RAB38: variants seen among roughly 807,000 people sequenced by gnomAD.
RAB38 encodes ras-related protein Rab-38.
A neutral mutation model predicts 18.4 loss-of-function variants in RAB38; 15 were observed. The ratio of observed to expected loss-of-function variants is 0.82; its 90% CI spans 0.55 to 1.26. The LOEUF (loss-of-function observed/expected upper bound fraction) is 1.26, where lower values mean the gene tolerates loss of function less well. RAB38 is among the 50% of genes most tolerant of loss of function. RAB38 has a pLI of 0.00. For synonymous variants in RAB38, 101 were observed against 104.4 expected, an observed-to-expected ratio of 0.97 and a Z score of 0.20; for missense variants, 294 against 267.4, an observed-to-expected ratio of 1.10 and a Z score of -0.69.
At chr11:88,024,941 T>C in the RAB38 span, among the ~76,000 whole-genome samples, 1 of 152,028 alleles carries the variant, frequency 6.6e-6, no homozygotes, top group Non-Finnish European at 1.5e-5. Context: ...GAATAGATCC[T>C]AGTATTTGAC....
the RAB38 span, among the ~76,000 whole-genome samples, chr11:88,068,328 A>T: frequency 1.3e-5 from 2 of 152,126 alleles, no homozygotes; most frequent in Admixed American, 6.6e-5. Context: ...AACCACTTTC[A>T]AAATTCCTTT....
chr11:88,070,735 T>C, the RAB38 span, among the ~76,000 whole-genome samples: 2 of 152,134 alleles, frequency 1.3e-5, no homozygotes, highest in African/African-American at 4.8e-5. Flanking sequence ...TGAAAGACAA[T>C]GTTGTTCCCA....
rs746205579 is a variant in RAB38 at position 88,175,434 on chromosome 11, G to A, written c.-50C>T. Reference sequence around the variant, plus strand: ...TGCCTGACCAGGGAAGCGCAGCCTGGGCTCTGCGCACGAGAGAGACTTGGG... The same window carrying A: ...TGCCTGACCAGGGAAGCGCAGCCTGAGCTCTGCGCACGAGAGAGACTTGGG... On this transcript the variant is annotated 5_prime_UTR_variant, in exon 1 of 3. Transcript: ENST00000243662. 1.9e-6 allele frequency: 3 copies of A among 1,598,350 alleles called. No homozygotes were observed. The highest frequency in any genetic ancestry group is 1.7e-5 in the Admixed American group (1 of 59,904).
the RAB38 span, among the ~76,000 whole-genome samples, chr11:87,832,128 A>C: frequency 6.6e-6 from 1 of 152,188 alleles, no homozygotes; most frequent in Admixed American, 6.5e-5. Flanking sequence ...TTTGCAGTAA[A>C]ATACTTGTTG....
the RAB38 span, among the ~76,000 whole-genome samples, chr11:88,047,194 A>C: frequency 6.6e-6 from 1 of 151,502 alleles, no homozygotes; most frequent in Non-Finnish European, 1.5e-5. Context: ...AGCTGTACTC[A>C]CTCTTTGTTG....
chr11:87,836,202 G>C, the RAB38 span, among the ~76,000 whole-genome samples: 1 of 152,130 alleles, frequency 6.6e-6, no homozygotes, highest in Non-Finnish European at 1.5e-5. Context: ...CTTTATGAAA[G>C]ACTTGAGCCC....
At chr11:88,168,697 CA>C in intron 1 of RAB38, among the ~76,000 whole-genome samples, 1 of 151,732 alleles carries the variant, frequency 6.6e-6, no homozygotes, top group East Asian at 1.9e-4. Flanking sequence ...TAAAATAAAA[CA>C]AAAAAAATTA....
the RAB38 span, among the ~76,000 whole-genome samples, chr11:87,953,459 A>G: frequency 6.6e-6 from 1 of 152,186 alleles, no homozygotes; most frequent in Non-Finnish European, 1.5e-5. Context: ...AGCTACTTAT[A>G]TTTAACTGTG....
the RAB38 span, among the ~76,000 whole-genome samples, chr11:87,834,647 A>G: frequency 1.3e-5 from 2 of 152,314 alleles, no homozygotes; most frequent in Non-Finnish European, 2.9e-5. Context: ...TTAGAGCTCA[A>G]AAGTTCTTTG....
the RAB38 span, among the ~76,000 whole-genome samples, chr11:87,976,618 G>T: frequency 9.1e-6 from 1 of 110,046 alleles, no homozygotes; most frequent in South Asian, 2.6e-4. Context: ...TATTTTACAT[G>T]ATATATAAAT....
At chr11:87,853,254 A>C in the RAB38 span, among the ~76,000 whole-genome samples, 1 of 152,146 alleles carries the variant, frequency 6.6e-6, no homozygotes, top group Non-Finnish European at 1.5e-5. Context: ...TTCAGCCCTA[A>C]CTCCTAATAT....
the RAB38 span, among the ~76,000 whole-genome samples, chr11:87,939,756 G>A: frequency 1.7e-4 from 26 of 152,032 alleles, no homozygotes; most frequent in African/African-American, 6.0e-4. Flanking sequence ...GTTAGGCATG[G>A]TGGCTCACGC....
the RAB38 span, among the ~76,000 whole-genome samples, chr11:87,852,294 G>A: frequency 2.6e-5 from 4 of 152,046 alleles, no homozygotes; most frequent in Admixed American, 6.6e-5. Context: ...TTTCTGCTTC[G>A]GCTGCTTCTC....
the RAB38 span, among the ~76,000 whole-genome samples, chr11:88,028,561 C>T: frequency 2.6e-5 from 4 of 152,210 alleles, no homozygotes; most frequent in African/African-American, 7.2e-5. Context: ...AAAGCCAAGG[C>T]TCGAAAACTA....
At chr11:87,884,533 A>G in the RAB38 span, among the ~76,000 whole-genome samples, 2 of 151,958 alleles carry the variant, frequency 1.3e-5, no homozygotes, top group Non-Finnish European at 2.9e-5. Context: ...TAGCAATGGG[A>G]TGGGACTGGT....
the RAB38 span, among the ~76,000 whole-genome samples, chr11:87,853,302 G>C: frequency 6.6e-6 from 1 of 152,126 alleles, no homozygotes; most frequent in East Asian, 1.9e-4. Flanking sequence ...GAGGCAATTA[G>C]GTTTAGATGA....
At chr11:87,976,278 A>G in the RAB38 span, among the ~76,000 whole-genome samples, 707 of 143,886 alleles carry the variant, frequency 4.9e-3, 1 homozygote, top group Non-Finnish European at 7.7e-3. Context: ...AGGTGTGTGT[A>G]TATATATATA....
intron 1 of RAB38, among the ~76,000 whole-genome samples, chr11:88,160,367 T>C (rs1438747029): frequency 6.6e-6 from 1 of 152,128 alleles, no homozygotes. Context: ...GGAATGCATA[T>C]ACACTTTTAG....
At chr11:88,015,347 T>C in the RAB38 span, among the ~76,000 whole-genome samples, 1 of 152,188 alleles carries the variant, frequency 6.6e-6, no homozygotes, top group Non-Finnish European at 1.5e-5. Flanking sequence ...GGTAATGTAG[T>C]GTGGAGTCAG....
Sources: allele counts gnomAD v4.1 joint callset (sites outside exome capture counted in the v4.1 genomes callset), GRCh38; gene constraint gnomAD v4.1.1; transcripts MANE v1.5; gene names NCBI Gene and HGNC (gene_info 2026-07-23, HGNC 2026-07-21).